Variants in IGF2BP1 observed in about 807,000 individuals in gnomAD.
IGF2BP1 encodes insulin like growth factor 2 mRNA binding protein 1.
IGF2BP1 carries 11 observed loss-of-function variants against 74.9 expected under a neutral mutation model. The ratio of observed to expected loss-of-function variants is 0.15; its 90% CI spans 0.09 to 0.24. The LOEUF (loss-of-function observed/expected upper bound fraction) is 0.24, where lower values mean the gene tolerates loss of function less well. Among genes scored for constraint, IGF2BP1 ranks in the 10% least tolerant of loss-of-function variants. The probability of loss-of-function intolerance (pLI) is 1.00; values close to 1 mark genes in which losing one functional copy is unlikely to be tolerated. For synonymous variants in IGF2BP1, 287 were observed against 281.8 expected, an observed-to-expected ratio of 1.02 and a Z score of -0.18; for missense variants, 440 against 757.4, an observed-to-expected ratio of 0.58 and a Z score of 4.92.
Position 48,997,536 on chromosome 17 carries a change from T to G in IGF2BP1, c.-210T>G, listed in dbSNP as rs1284728943. 3.5e-6 allele frequency: 2 copies of G among 571,370 alleles called. No individual in the cohort carries two copies. Among genetic ancestry groups the G allele is most frequent in the African/African-American group, 3.8e-5 (2 of 51,970 alleles). 35.4% of individuals were successfully genotyped at this position (571,370 alleles called of 1,614,324 possible). ...TCTCCCTGCGCGCCGCGGGCACTTC[T>G]CCTGGGCTCTCCCCGAACTCTCCCG... On this transcript the variant is annotated 5_prime_UTR_variant, in exon 1 of 15. Coordinates refer to ENST00000290341, the MANE Select transcript of IGF2BP1 (RefSeq NM_006546.4). This position sits in a 1 kb window ranked among gnomAD's most constrained non-coding sequence, Gnocchi z 4.8.
intron 2 of IGF2BP1, among the ~76,000 whole-genome samples, chr17:48,999,979 T>C (rs1567807146): frequency 6.7e-6 from 1 of 149,176 alleles, no homozygotes; most frequent in Non-Finnish European, 1.5e-5. Context: ...TGTGTTCCAA[T>C]ACCCTCTATC....
chr17:49,000,914 G>C (rs537307772), intron 2 of IGF2BP1, among the ~76,000 whole-genome samples: 106 of 151,180 alleles, frequency 7.0e-4, no homozygotes, highest in African/African-American at 2.5e-3. Flanking sequence ...AGTTGGAATG[G>C]AGAGGGGGTT....
At chr17:49,038,928 A>G (rs1448610243) in intron 6 of IGF2BP1, among the ~76,000 whole-genome samples, 1 of 136,588 alleles carries the variant, frequency 7.3e-6, no homozygotes, top group Non-Finnish European at 1.5e-5. Context: ...CCCAGGCTGG[A>G]GTGCAGTGGT....
In IGF2BP1 at chr17:49,049,537, C is replaced by G; in HGVS notation, c.*93C>G. The G allele has an allele frequency of 9.5e-7, 1 of 1,048,486 alleles. No homozygotes were observed. Among genetic ancestry groups the G allele is most frequent in the South Asian group, 1.4e-5 (1 of 71,302 alleles). The allele number at this position is 1,048,486 out of a possible 1,614,324, so 64.9% of individuals were successfully genotyped here. A position where few individuals can be genotyped will look rare whatever the true frequency, so the allele number is the denominator to read the frequency against. ...GCAGGCCTGAGAATGAGTGGGAATCCGGGACACCTGGGCCGGGCTGTAGAT... is the reference window on the plus strand; with the variant it reads ...GCAGGCCTGAGAATGAGTGGGAATCGGGGACACCTGGGCCGGGCTGTAGAT... On this transcript the variant is annotated 3_prime_UTR_variant, in exon 15 of 15. Coordinates refer to ENST00000290341, the MANE Select transcript of IGF2BP1 (RefSeq NM_006546.4).
chr17:49,034,750 AAAAAAC>A lies in IGF2BP1; in HGVS notation c.401+2783_401+2788del, dbSNP rs1567822919. Among the ~76,000 whole-genome samples the A allele has an allele frequency of 1.9e-3, 232 of 125,366 alleles. 1 individual carries two copies. Among genetic ancestry groups the A allele is most frequent in the African/African-American group, 7.4e-3 (217 of 29,506 alleles). The allele number at this position is 125,366 out of a possible 152,430, so 82.2% of individuals were successfully genotyped here. A position where few individuals can be genotyped will look rare whatever the true frequency, so the allele number is the denominator to read the frequency against. On this transcript the variant is annotated intron_variant, in intron 5 of 14. Coordinates refer to ENST00000290341, the MANE Select transcript of IGF2BP1 (RefSeq NM_006546.4). ...AGACCCTGTCTCAAAAAAAACACAA[AAAAAAC>A]AAAAAAAACAAAAAAAACGAAAAAC...
intron 2 of IGF2BP1, among the ~76,000 whole-genome samples, chr17:49,025,050 G>C (rs1183064904): frequency 6.6e-6 from 1 of 152,030 alleles, no homozygotes; most frequent in Non-Finnish European, 1.5e-5. Context: ...AAATTAGCCG[G>C]ATGTGGTAGT....
chr17:49,014,721 T>TA (rs1283799514), intron 2 of IGF2BP1: 18 of 970,740 alleles, frequency 1.9e-5, no homozygotes, highest in Non-Finnish European at 2.0e-5. Flanking sequence ...GGCCGCCACT[T>TA]ATGGACACGC....
At position 49,052,705 on chromosome 17, in the gene IGF2BP1, C is replaced by T. The variant is rs1024663592; in HGVS notation, c.*3261C>T. The T allele has an allele frequency of 6.6e-6, 1 of 152,496 alleles. No individual in the cohort carries two copies. Among genetic ancestry groups the T allele is most frequent in the African/African-American group, 2.4e-5 (1 of 41,388 alleles). 9.4% of individuals were successfully genotyped at this position (152,496 alleles called of 1,614,324 possible). A position where few individuals can be genotyped will look rare whatever the true frequency, so the allele number is the denominator to read the frequency against. The stretch of plus-strand genomic sequence containing the variant: ...AGGTCTTAGGGCAACTCCTTGCCCT[C>T]CTGCTCAGCACCTCCATTTCCCCAT... On this transcript the variant is annotated 3_prime_UTR_variant, in exon 15 of 15. Transcript: ENST00000290341.
intron 14 of IGF2BP1, among the ~76,000 whole-genome samples, chr17:49,048,351 C>G (rs998265845): frequency 5.9e-5 from 9 of 151,262 alleles, no homozygotes; most frequent in African/African-American, 1.7e-4. Context: ...CTCCCCTGTT[C>G]TAGTGATTCT....
intron 5 of IGF2BP1, among the ~76,000 whole-genome samples, chr17:49,034,283 A>G (rs533085150): frequency 6.6e-6 from 1 of 151,694 alleles, no homozygotes; most frequent in African/African-American, 2.4e-5. Context: ...ATGCCTGGCA[A>G]TTTTTTGTAT....
At chr17:49,038,493 C>G (rs767362169) in intron 6 of IGF2BP1, 44 bp downstream of exon 6, 17 of 1,423,626 alleles carry the variant, frequency 1.2e-5, no homozygotes, top group Non-Finnish European at 1.6e-5. Context: ...TGCTAGGGAA[C>G]AGTGGTTGGT....
In IGF2BP1 at chr17:48,997,725, T is replaced by A; in HGVS notation, c.-21T>A. ...TCGTTCGGCCTTGCCCGGGACCGCG[T>A]CCTGCCCCGAGACCGCCACCATGAA... On this transcript the variant is annotated 5_prime_UTR_variant, in exon 1 of 15. Transcript: ENST00000290341. This position sits in a 1 kb window ranked among gnomAD's most constrained non-coding sequence, Gnocchi z 4.8. The A allele has an allele frequency of 6.2e-7, 1 of 1,609,110 alleles. No individual in the cohort carries two copies. The highest frequency in any genetic ancestry group is 8.5e-7 in the Non-Finnish European group (1 of 1,177,176).
intron 2 of IGF2BP1, among the ~76,000 whole-genome samples, chr17:49,005,875 G>A (rs1263538198): frequency 6.6e-6 from 1 of 152,076 alleles, no homozygotes; most frequent in Non-Finnish European, 1.5e-5. Flanking sequence ...CAGCTTGGCC[G>A]ACATGGTGAA....
Position 49,020,750 on chromosome 17 carries a change from T to A in IGF2BP1, c.237-4868T>A, listed in dbSNP as rs201738985. On this transcript the variant is annotated intron_variant, in intron 2 of 14. Transcript: ENST00000290341. Reference sequence around the variant, plus strand: ...CCTATAATTCTTTAAGCTATTAACTTCTTCTTCCAGCAGCGTATTTCCATA... The same window carrying A: ...CCTATAATTCTTTAAGCTATTAACTACTTCTTCCAGCAGCGTATTTCCATA... Among the ~76,000 whole-genome samples, 11 of 152,216 alleles carry A rather than the reference T, an allele frequency of 7.2e-5. No homozygotes were observed. In the East Asian group the frequency reaches 1.9e-3, roughly 27 times the overall value.
At chr17:49,041,527 T>C (rs1421184732) in intron 8 of IGF2BP1, 27 bp downstream of exon 8, 1 of 1,613,688 alleles carries the variant, frequency 6.2e-7, no homozygotes, top group Non-Finnish European at 8.5e-7. Flanking sequence ...TTTCCCTGTT[T>C]ATGAGTGGGG....
chr17:49,010,536 A>T (rs1316905307), intron 2 of IGF2BP1, among the ~76,000 whole-genome samples: 1 of 151,744 alleles, frequency 6.6e-6, no homozygotes, highest in African/African-American at 2.4e-5. Flanking sequence ...CAGGATGGTC[A>T]CGATCTCCTG....
chr17:49,027,853 G>GAAAAA (rs777784396), intron 4 of IGF2BP1, among the ~76,000 whole-genome samples: 1 of 42,878 alleles, frequency 2.3e-5, no homozygotes, highest in Non-Finnish European at 4.0e-5. Context: ...CTCTGTCTCA[G>GAAAAA]AAAAAAAAAA....
chr17:49,043,540 G>T lies in IGF2BP1; in HGVS notation c.1190G>T (p.Ser397Ile), dbSNP rs1463263956. 1 of 1,614,058 alleles carries T rather than the reference G, an allele frequency of 6.2e-7. No homozygotes were observed. The highest frequency in any genetic ancestry group is 8.5e-7 in the Non-Finnish European group (1 of 1,179,956). The change falls in exon 10 of 15, where the codon AGC (serine) becomes ATC (isoleucine). Residue 397 changes from serine (S) to isoleucine (I), a missense_variant. Around this residue, in one of 5 missense-constraint regions of IGF2BP1, gnomAD observed 31 missense variants for 27.0 expected, o/e 1.15. Coordinates refer to ENST00000290341, the MANE Select transcript of IGF2BP1 (RefSeq NM_006546.4). ...PSSVTGAAPY[S>I]SFMQAPEQEM... ...AGCGTTACTGGGGCTGCTCCCTATA[G>T]CTCCTTTATGGTAGGTGGAAGATCT...
At chr17:49,033,456 C>A (rs1378010867) in intron 5 of IGF2BP1, among the ~76,000 whole-genome samples, 1 of 152,046 alleles carries the variant, frequency 6.6e-6, no homozygotes, top group Non-Finnish European at 1.5e-5. Context: ...ATTCTCCTGC[C>A]TCAGTCTCCT....
Sources: allele counts gnomAD v4.1 joint callset (sites outside exome capture counted in the v4.1 genomes callset), GRCh38; gene constraint gnomAD v4.1.1; regional missense constraint gnomAD v4.1.1; non-coding constraint Gnocchi (gnomAD v3.1); transcripts MANE v1.5; gene names NCBI Gene and HGNC (gene_info 2026-07-23, HGNC 2026-07-21).